The following STOX2 variants were observed in gnomAD, a reference collection of about 807,000 sequenced individuals.
STOX2 encodes the protein storkhead-box protein 2.
STOX2 carries 28 observed loss-of-function variants against 60.9 expected under a neutral mutation model. The observed-to-expected ratio is 0.46, with a 90% CI of 0.34 to 0.63. The LOEUF (loss-of-function observed/expected upper bound fraction) is 0.63. Among genes scored for constraint, STOX2 ranks in the 30% least tolerant of loss-of-function variants. STOX2 has a pLI of 0.01. For missense variants in STOX2, 1,024 were observed against 1,187.7 expected (o/e 0.86, Z 2.03); for synonymous variants, 472 against 463.9 (o/e 1.02, Z -0.22).
intron 1 of STOX2, among the ~76,000 whole-genome samples, chr4:183,957,062 G>A (rs1743270273): frequency 6.8e-6 from 1 of 148,066 alleles, no homozygotes; most frequent in Non-Finnish European, 1.5e-5. Context: ...TAAATGATGA[G>A]TTAATGGGTG....
intron 1 of STOX2, among the ~76,000 whole-genome samples, chr4:183,985,202 T>A (rs1370166810): frequency 6.6e-6 from 1 of 152,216 alleles, no homozygotes; most frequent in East Asian, 1.9e-4. Context: ...GTGTTCAATC[T>A]AAATTTAAAA....
chr4:183,850,944 GGATGAGGGAAA>G (rs1740108480), intron 1 of STOX2, among the ~76,000 whole-genome samples: 6 of 30,492 alleles, frequency 2.0e-4, no homozygotes, highest in Non-Finnish European at 5.6e-4. Context: ...ATGAGGGAAA[GGATGAGGGAAA>G]CGATGAGGGA....
In STOX2 at chr4:183,836,619, C is replaced by G. The variant is rs1424800074; in HGVS notation, c.364+38564C>G. ...ACAATGGGAAGGGATCTGGGAAGTGCAGTCTTCCATGTCCTGGGAAGGGGT... is the reference window on the plus strand; with the variant it reads ...ACAATGGGAAGGGATCTGGGAAGTGGAGTCTTCCATGTCCTGGGAAGGGGT... On this transcript the variant is annotated intron_variant, in intron 1 of 2. Coordinates refer to the STOX2 transcript ENST00000513034. The surrounding 1 kb of genome is among the most constrained non-coding windows in gnomAD (Gnocchi z 4.1). Among the ~76,000 whole-genome samples the G allele has an allele frequency of 6.6e-6, 1 of 152,178 alleles. No individual in the cohort carries two copies. The highest frequency in any genetic ancestry group is 1.5e-5 in the Non-Finnish European group (1 of 68,028).
At chr4:183,832,841 C>T (rs771816894) in intron 1 of STOX2, among the ~76,000 whole-genome samples, 3 of 152,158 alleles carry the variant, frequency 2.0e-5, no homozygotes, top group Non-Finnish European at 2.9e-5. Context: ...TGACTCTCGG[C>T]TCAATTAAAA....
chr4:183,798,689 A>C, intron 1 of STOX2: 1 of 985,428 alleles, frequency 1.0e-6, no homozygotes, highest in Non-Finnish European at 1.2e-6. Flanking sequence ...GAAGAGACAC[A>C]AAGAGGCCGG....
Position 183,881,809 on chromosome 4 carries a change from C to T in STOX2, c.364+83754C>T, listed in dbSNP as rs201758003. On this transcript the variant is annotated intron_variant, in intron 1 of 2. Coordinates refer to the STOX2 transcript ENST00000513034. ...CTGATTTCATTCTCTGTGTGGCATGCGTGCCATCATCTGCGTAGCTTTGGA... is the reference window on the plus strand; with the variant it reads ...CTGATTTCATTCTCTGTGTGGCATGTGTGCCATCATCTGCGTAGCTTTGGA... Among the ~76,000 whole-genome samples, 42 of 152,280 alleles carry T rather than the reference C, an allele frequency of 2.8e-4. 1 individual carries two copies. The East Asian group carries it at 7.7e-3, about 28-fold the overall frequency.
In STOX2 at chr4:184,017,163, C is replaced by A; in HGVS notation, c.2660C>A (p.Pro887Gln). 1 of 1,613,726 alleles carries A rather than the reference C, an allele frequency of 6.2e-7. No homozygotes were observed. Among genetic ancestry groups the A allele is most frequent in the Non-Finnish European group, 8.5e-7 (1 of 1,179,806 alleles). The change falls in exon 4 of 4, where the codon CCG becomes CAG. Residue 887 changes from proline to glutamine, a missense_variant. Pro to Gln is a moderately conservative substitution (Grantham distance 76, BLOSUM62 -1). This residue lies in a region of STOX2 where 922 missense variants were observed against 1,058.3 expected (regional missense o/e 0.87). Transcript: ENST00000308497. ...SNRRQNPALS[P>Q]AHGGAGPAFN... ...CGTCGTCAGAACCCCGCTTTGAGCCCGGCCCATGGTGGAGCTGGTCCAGCC... is the reference window on the plus strand; with the variant it reads ...CGTCGTCAGAACCCCGCTTTGAGCCAGGCCCATGGTGGAGCTGGTCCAGCC...
intron 1 of STOX2, among the ~76,000 whole-genome samples, chr4:183,851,129 G>GGAAAGGATGAGAGAAAGGATGAGA (rs1740119120): frequency 5.6e-5 from 1 of 17,964 alleles, no homozygotes; most frequent in Non-Finnish European, 1.2e-4. Flanking sequence ...AAAGGATGAG[G>GGAAAGGATGAGAGAAAGGATGAGA]GAAACGATGA....
rs1295049452 is a variant in STOX2 at position 183,823,656 on chromosome 4, C to T, written c.364+25601C>T. Among the ~76,000 whole-genome samples, 5 of 152,236 alleles carry T rather than the reference C, an allele frequency of 3.3e-5. No homozygotes were observed. The East Asian group carries it at 9.6e-4, about 29-fold the overall frequency. On this transcript the variant is annotated intron_variant, in intron 1 of 2. Transcript: ENST00000513034. ...AAGAAGTTCCAGCAAAGCACGTCCT[C>T]ATAGCTCTGGGCCCGAGAGACACCA...
intron 3 of STOX2, chr4:184,014,474 T>G (rs969331178): frequency 1.3e-5 from 2 of 151,966 alleles, no homozygotes; most frequent in African/African-American, 2.4e-5. Flanking sequence ...GGAAGACATG[T>G]GTACAGAAGG....
intron 1 of STOX2, chr4:183,853,625 G>A (rs2111145501): frequency 6.6e-6 from 1 of 152,334 alleles, no homozygotes; most frequent in East Asian, 1.9e-4. Context: ...GTTTAAGTTA[G>A]CTATCAGGAA....
In STOX2 at chr4:183,825,871, T is replaced by C. The variant is rs1431367197; in HGVS notation, c.364+27816T>C. On this transcript the variant is annotated intron_variant, in intron 1 of 2. Coordinates refer to the STOX2 transcript ENST00000513034. The surrounding 1 kb of genome is among the most constrained non-coding windows in gnomAD (Gnocchi z 4.1). ...GGGAAGTTTAGTCTGGGAACGAGTATGGCAGTCAGTTTGGCAAATGATGGG... is the reference window on the plus strand; with the variant it reads ...GGGAAGTTTAGTCTGGGAACGAGTACGGCAGTCAGTTTGGCAAATGATGGG... Among the ~76,000 whole-genome samples, 1 of 152,116 alleles carries C rather than the reference T, an allele frequency of 6.6e-6. No individual in the cohort carries two copies. The highest frequency in any genetic ancestry group is 1.5e-5 in the Non-Finnish European group (1 of 68,010).
At chr4:183,817,304 T>A (rs529233611) in intron 1 of STOX2, among the ~76,000 whole-genome samples, 1 of 152,318 alleles carries the variant, frequency 6.6e-6, no homozygotes, top group East Asian at 1.9e-4. Flanking sequence ...GTTCACTGGG[T>A]TCAAAAGAAC....
chr4:183,884,523 A>AT (rs1475936082), intron 1 of STOX2, among the ~76,000 whole-genome samples: 1 of 152,172 alleles, frequency 6.6e-6, no homozygotes, highest in Non-Finnish European at 1.5e-5. Context: ...TACATGTCCT[A>AT]TTCACTACAA....
intron 1 of STOX2, among the ~76,000 whole-genome samples, chr4:183,936,451 T>C (rs1396987122): frequency 2.0e-5 from 3 of 152,098 alleles, no homozygotes; most frequent in Non-Finnish European, 2.9e-5. Context: ...CATGAGTTTA[T>C]TGGCGTCAGT....
chr4:183,921,890 T>C (rs1346204594), intron 1 of STOX2, among the ~76,000 whole-genome samples: 1 of 152,238 alleles, frequency 6.6e-6, no homozygotes, highest in Admixed American at 6.5e-5. Context: ...CACAAAGTTG[T>C]CAGCTTTTAA....
At chr4:183,946,119 G>A (rs186421736) in intron 1 of STOX2, among the ~76,000 whole-genome samples, 360 of 152,204 alleles carry the variant, frequency 2.4e-3, no homozygotes, top group Non-Finnish European at 4.4e-3. Context: ...ACGAGACGTC[G>A]GCTGAATTCA....
intron 1 of STOX2, among the ~76,000 whole-genome samples, chr4:183,807,630 A>G (rs1196501237): frequency 2.6e-5 from 4 of 152,142 alleles, no homozygotes; most frequent in Non-Finnish European, 5.9e-5. Flanking sequence ...CCCCACTCCC[A>G]GCTCAGCTTC....
At chr4:183,842,197 C>T (rs544037057) in intron 1 of STOX2, among the ~76,000 whole-genome samples, 6 of 152,314 alleles carry the variant, frequency 3.9e-5, no homozygotes, top group Non-Finnish European at 7.4e-5. Context: ...CAGCAAAACT[C>T]AGTCTTTGTA....
Sources: allele counts gnomAD v4.1 joint callset (sites outside exome capture counted in the v4.1 genomes callset), GRCh38; gene constraint gnomAD v4.1.1; regional missense constraint gnomAD v4.1.1; non-coding constraint Gnocchi (gnomAD v3.1); transcripts MANE v1.5; gene names NCBI Gene and HGNC (gene_info 2026-07-23, HGNC 2026-07-21).